The following TSHZ2 variants were observed in gnomAD, a reference collection of about 807,000 sequenced individuals.
TSHZ2 encodes the protein teashirt homolog 2.
In TSHZ2, 21 loss-of-function variants were observed where a neutral mutation model predicts 74.4. The observed-to-expected ratio is 0.28, with a 90% CI of 0.20 to 0.41. The LOEUF is 0.41. Ranked by LOEUF, TSHZ2 falls within the 10% of genes least tolerant of loss-of-function variation. TSHZ2 has a pLI of 1.00. For synonymous variants in TSHZ2, 540 were observed against 515.3 expected (o/e 1.05, Z -0.65); for missense variants, 1,244 against 1,293.5 (o/e 0.96, Z 0.59).
At chr20:53,004,583 A>C (rs1982570481) in intron 1 of TSHZ2, among the ~76,000 whole-genome samples, 1 of 152,208 alleles carries the variant, frequency 6.6e-6, no homozygotes, top group Admixed American at 6.5e-5. Context: ...AAAAGCATAA[A>C]ACAAGGTGTA....
At chr20:53,406,775 T>G (rs1173826615) in intron 2 of TSHZ2, among the ~76,000 whole-genome samples, 3 of 152,012 alleles carry the variant, frequency 2.0e-5, no homozygotes, top group Non-Finnish European at 4.4e-5. Flanking sequence ...AACTAAAACA[T>G]GGCGTGGGGA....
intron 2 of TSHZ2, among the ~76,000 whole-genome samples, chr20:53,263,416 G>A (rs1038928683): frequency 4.6e-5 from 7 of 152,222 alleles, no homozygotes; most frequent in Admixed American, 2.6e-4. Flanking sequence ...AGGACTGGGC[G>A]ATGACCTGGA....
chr20:53,365,723 T>C (rs1186362909), intron 2 of TSHZ2, among the ~76,000 whole-genome samples: 1 of 152,212 alleles, frequency 6.6e-6, no homozygotes, highest in East Asian at 1.9e-4. Context: ...TGTTCTTCCC[T>C]GCTCTTCTCA....
At chr20:53,305,694 G>T (rs1053932101) in intron 2 of TSHZ2, among the ~76,000 whole-genome samples, 1 of 151,990 alleles carries the variant, frequency 6.6e-6, no homozygotes, top group African/African-American at 2.4e-5. Flanking sequence ...AAATGTGTTT[G>T]GCTGGCCGGG....
chr20:53,005,227 C>T (rs571869803), intron 1 of TSHZ2, among the ~76,000 whole-genome samples: 1 of 152,078 alleles, frequency 6.6e-6, no homozygotes, highest in Non-Finnish European at 1.5e-5. Flanking sequence ...CCAGGAGAAT[C>T]GCTTGAACCT....
chr20:53,256,630 A>C lies in TSHZ2; in HGVS notation c.*8+59A>C. 1 of 1,514,120 alleles carries C rather than the reference A, an allele frequency of 6.6e-7. No homozygotes were observed. Among genetic ancestry groups the C allele is most frequent in the Non-Finnish European group, 8.9e-7 (1 of 1,129,192 alleles). 93.8% of individuals were successfully genotyped at this position (1,514,120 alleles called of 1,614,324 possible). On this transcript the variant is annotated intron_variant, in intron 2 of 2. Transcript: ENST00000371497. This position sits in a 1 kb window ranked among gnomAD's most constrained non-coding sequence, Gnocchi z 4.3. ...TGGTGAGGAGCTTTCTTACAGGGAG[A>C]TGGGTCTGCTTAGAGGCAGCTAGCA...
intron 2 of TSHZ2, among the ~76,000 whole-genome samples, chr20:53,291,639 C>T (rs1991280171): frequency 6.6e-6 from 1 of 152,018 alleles, no homozygotes; most frequent in Non-Finnish European, 1.5e-5. Flanking sequence ...TTGAAGGCTA[C>T]ACAGTCAAGA....
At chr20:53,386,018 T>C (rs540064504) in intron 2 of TSHZ2, among the ~76,000 whole-genome samples, 15 of 152,244 alleles carry the variant, frequency 9.9e-5, no homozygotes, top group African/African-American at 3.4e-4. Flanking sequence ...AGCATTCCAA[T>C]TGGCTATTCC....
chr20:53,180,542 A>G (rs1036138449), intron 1 of TSHZ2, among the ~76,000 whole-genome samples: 11 of 152,168 alleles, frequency 7.2e-5, no homozygotes, highest in African/African-American at 2.7e-4. Flanking sequence ...ATTTTGGTTC[A>G]GTCTTGCATG....
At chr20:53,347,946 A>G (rs1980502203) in intron 2 of TSHZ2, among the ~76,000 whole-genome samples, 1 of 152,178 alleles carries the variant, frequency 6.6e-6, no homozygotes, top group Non-Finnish European at 1.5e-5. Flanking sequence ...CCCCGAAAAG[A>G]AACTCCCATA....
At chr20:53,361,953 T>C (rs1335709646) in intron 2 of TSHZ2, among the ~76,000 whole-genome samples, 1 of 151,434 alleles carries the variant, frequency 6.6e-6, no homozygotes, top group Non-Finnish European at 1.5e-5. Context: ...AGAGTCTCAC[T>C]CTGTCACCCA....
At chr20:53,206,132 T>C (rs575563268) in intron 1 of TSHZ2, among the ~76,000 whole-genome samples, 79 of 152,246 alleles carry the variant, frequency 5.2e-4, no homozygotes, top group African/African-American at 1.9e-3. Flanking sequence ...GGCAGGAGAA[T>C]CGTTTGAACC....
intron 1 of TSHZ2, among the ~76,000 whole-genome samples, chr20:53,036,907 C>CT (rs1479639902): frequency 6.6e-6 from 1 of 151,350 alleles, no homozygotes; most frequent in Non-Finnish European, 1.5e-5. Context: ...TGTAATTTTG[C>CT]TTTTTTACTT....
chr20:53,111,971 T>G (rs1038437789), intron 1 of TSHZ2, among the ~76,000 whole-genome samples: 3 of 152,150 alleles, frequency 2.0e-5, no homozygotes, highest in Non-Finnish European at 4.4e-5. Flanking sequence ...TGCCCCATCC[T>G]GAGATGCTGA....
At chr20:53,434,786 G>A (rs749552546) in intron 2 of TSHZ2, among the ~76,000 whole-genome samples, 4 of 152,234 alleles carry the variant, frequency 2.6e-5, no homozygotes, top group African/African-American at 4.8e-5. Flanking sequence ...ACAGTCCTGT[G>A]ACCATCTGCC....
intron 2 of TSHZ2, among the ~76,000 whole-genome samples, chr20:53,454,641 T>C (rs1984976230): frequency 6.6e-6 from 1 of 152,058 alleles, no homozygotes; most frequent in Admixed American, 6.6e-5. Context: ...CAGGTCTTCA[T>C]TCAGATGTCA....
chr20:53,378,908 A>G (rs1981757818), intron 2 of TSHZ2, among the ~76,000 whole-genome samples: 2 of 152,232 alleles, frequency 1.3e-5, no homozygotes, highest in African/African-American at 4.8e-5. Context: ...AATTTGTGAG[A>G]ACAGTAAACA....
chr20:53,408,663 AT>A (rs1364115294), intron 2 of TSHZ2, among the ~76,000 whole-genome samples: 1 of 152,214 alleles, frequency 6.6e-6, no homozygotes, highest in Non-Finnish European at 1.5e-5. Context: ...CGTCTTCAGC[AT>A]TTTACAATTA....
At chr20:53,278,140 C>A (rs1395739376) in intron 2 of TSHZ2, among the ~76,000 whole-genome samples, 1 of 152,012 alleles carries the variant, frequency 6.6e-6, no homozygotes, top group Non-Finnish European at 1.5e-5. Flanking sequence ...TAGCCTTTCT[C>A]ATCATTTAAA....
Sources: gnomAD v4.1 joint callset for allele counts (sites outside exome capture counted in the v4.1 genomes callset) on GRCh38, gnomAD v4.1.1 for gene constraint, Gnocchi (gnomAD v3.1) non-coding constraint, MANE v1.5 for transcripts, NCBI Gene and HGNC (gene_info 2026-07-23, HGNC 2026-07-21) for gene names.